FAF1: variants seen among roughly 807,000 people sequenced by gnomAD.
FAF1 encodes Fas associated factor 1.
In FAF1, 25 loss-of-function variants were observed where a neutral mutation model predicts 92.5. The ratio of observed to expected loss-of-function variants is 0.27; its 90% CI spans 0.20 to 0.38. The LOEUF is 0.38. FAF1 is among the 10% of genes least tolerant of loss of function. The pLI is 1.00. For missense variants in FAF1, 636 were observed against 793.3 expected, an observed-to-expected ratio of 0.80 and a Z score of 2.38; for synonymous variants, 234 against 273.2, an observed-to-expected ratio of 0.86 and a Z score of 1.42.
intron 13 of FAF1, among the ~76,000 whole-genome samples, chr1:50,558,192 T>C (rs1431353791): frequency 1.3e-5 from 2 of 151,690 alleles, no homozygotes; most frequent in African/African-American, 4.9e-5. Context: ...AGCCGCCGCA[T>C]CCAGCCTAAA....
intron 17 of FAF1, among the ~76,000 whole-genome samples, chr1:50,486,000 G>C (rs1458408953): frequency 6.6e-6 from 1 of 152,108 alleles, no homozygotes; most frequent in East Asian, 1.9e-4. Context: ...TCAACATGTG[G>C]GGATTACAAT....
At chr1:50,863,510 A>G (rs929119898) in intron 1 of FAF1, among the ~76,000 whole-genome samples, 2 of 152,090 alleles carry the variant, frequency 1.3e-5, no homozygotes, top group Non-Finnish European at 1.5e-5. Flanking sequence ...AGAAACAACC[A>G]ATATCAGAGC....
chr1:50,746,828 G>A (rs12044888), intron 4 of FAF1, among the ~76,000 whole-genome samples: 1 of 152,158 alleles, frequency 6.6e-6, no homozygotes, highest in Non-Finnish European at 1.5e-5. Context: ...CTGGCCCAGA[G>A]GCCTACGAGG....
At chr1:50,517,540 T>G (rs1647262869) in intron 15 of FAF1, among the ~76,000 whole-genome samples, 1 of 152,148 alleles carries the variant, frequency 6.6e-6, no homozygotes, top group African/African-American at 2.4e-5. Flanking sequence ...CCCATTTTAT[T>G]TAAGAGGAAA....
chr1:50,555,248 C>T, intron 13 of FAF1, among the ~76,000 whole-genome samples: 1 of 148,762 alleles, frequency 6.7e-6, no homozygotes, highest in South Asian at 2.1e-4. Context: ...AGGACCCTGA[C>T]ACACACACAC....
intron 12 of FAF1, among the ~76,000 whole-genome samples, chr1:50,581,088 A>G (rs755534380): frequency 1.3e-5 from 2 of 152,196 alleles, no homozygotes; most frequent in Non-Finnish European, 2.9e-5. Context: ...ATTTTCCATA[A>G]ACCTATATTT....
intron 2 of FAF1, among the ~76,000 whole-genome samples, chr1:50,841,978 T>C (rs1644259908): frequency 6.6e-6 from 1 of 152,068 alleles, no homozygotes; most frequent in Admixed American, 6.6e-5. Flanking sequence ...ATCATTACAT[T>C]TCCAAACTAA....
At chr1:50,700,853 C>T (rs887071844) in intron 7 of FAF1, among the ~76,000 whole-genome samples, 10 of 151,958 alleles carry the variant, frequency 6.6e-5, no homozygotes, top group African/African-American at 2.4e-4. Context: ...AAAATAGTTC[C>T]AGAGAGGGGA....
chr1:50,640,829 ATTTTT>A (rs71059592), intron 8 of FAF1, among the ~76,000 whole-genome samples: 81 of 88,516 alleles, frequency 9.2e-4, no homozygotes, highest in Middle Eastern at 0.012. Context: ...TTATCAGCTG[ATTTTT>A]TTTTTTTTTT....
At chr1:50,628,211 A>G (rs780219794) in intron 8 of FAF1, among the ~76,000 whole-genome samples, 66 of 152,182 alleles carry the variant, frequency 4.3e-4, no homozygotes, top group Non-Finnish European at 7.2e-4. Flanking sequence ...GAAAAAATAT[A>G]TTAGATATTA....
intron 1 of FAF1, among the ~76,000 whole-genome samples, chr1:50,957,010 ACTTTT>A (rs892429179): frequency 2.0e-5 from 3 of 152,218 alleles, no homozygotes; most frequent in African/African-American, 7.2e-5. Flanking sequence ...ATAAATGCTT[ACTTTT>A]AAGTCAATCC....
intron 18 of FAF1, among the ~76,000 whole-genome samples, chr1:50,463,394 T>C (rs1646457333): frequency 3.3e-5 from 5 of 152,192 alleles, no homozygotes; most frequent in Admixed American, 2.0e-4. Context: ...CAAGTGTGAT[T>C]ATATGCTGAG....
intron 7 of FAF1, among the ~76,000 whole-genome samples, chr1:50,658,786 G>A (rs1486224827): frequency 6.6e-6 from 1 of 152,192 alleles, no homozygotes; most frequent in African/African-American, 2.4e-5. Context: ...CCAATGCAAA[G>A]GCTAAATTCA....
intron 13 of FAF1, among the ~76,000 whole-genome samples, chr1:50,542,887 GGGAGA>G (rs754517799): frequency 2.0e-5 from 3 of 152,150 alleles, no homozygotes; most frequent in Non-Finnish European, 4.4e-5. Flanking sequence ...AAGGGAAGAA[GGGAGA>G]GAAGGATGAA....
intron 17 of FAF1, among the ~76,000 whole-genome samples, chr1:50,490,310 AG>A (rs1646815882): frequency 1.3e-5 from 2 of 151,766 alleles, no homozygotes; most frequent in South Asian, 4.2e-4. Context: ...CAACGAGCCG[AG>A]ATGGTGCTAC....
chr1:50,468,506 C>G (rs1256848409), intron 18 of FAF1, among the ~76,000 whole-genome samples: 8 of 149,626 alleles, frequency 5.3e-5, no homozygotes, highest in African/African-American at 2.0e-4. Context: ...GTCGCCCAGG[C>G]TGGAGTACAG....
rs954083953 is a variant in FAF1, at chr1:50,777,569, C to A, written c.367+10431G>T. Among the ~76,000 whole-genome samples the A allele has an allele frequency of 8.6e-5, 13 of 151,728 alleles. No homozygotes were observed. In the East Asian group the frequency reaches 1.4e-3, roughly 16 times the overall value. On this transcript the variant is annotated intron_variant, in intron 4 of 18. Transcript: ENST00000396153. ...CTTAAACTGGAAAAAAATGAAAAAA[C>A]ACAGATACGGTAAACTATACCAGAG...
chr1:50,882,588 C>A (rs964506566), intron 1 of FAF1, among the ~76,000 whole-genome samples: 2 of 149,874 alleles, frequency 1.3e-5, no homozygotes, highest in Admixed American at 1.3e-4. Context: ...GACAACAGAG[C>A]AAGACTCTGT....
At chr1:50,622,173 A>G (rs374073361) in intron 8 of FAF1, among the ~76,000 whole-genome samples, 1 of 151,702 alleles carries the variant, frequency 6.6e-6, no homozygotes, top group East Asian at 1.9e-4. Context: ...TCAAAAAAAA[A>G]AAAATAAAAA....
Sources: allele counts gnomAD v4.1 joint callset (sites outside exome capture counted in the v4.1 genomes callset), GRCh38; gene constraint gnomAD v4.1.1; transcripts MANE v1.5; gene names NCBI Gene and HGNC (gene_info 2026-07-23, HGNC 2026-07-21).